KCTD1: variants seen among roughly 807,000 people sequenced by gnomAD.
KCTD1 encodes BTB/POZ domain-containing protein KCTD1.
In KCTD1, 24 loss-of-function variants were observed where a neutral mutation model predicts 66.0. That is an observed-to-expected ratio of 0.36 (90% CI 0.26 to 0.51). The LOEUF is 0.51. Among genes scored for constraint, KCTD1 ranks in the 20% least tolerant of loss-of-function variants. The pLI, the probability that KCTD1 is intolerant of heterozygous loss-of-function variation, is 0.95. For synonymous variants in KCTD1, 511 were observed against 517.2 expected (o/e 0.99, Z 0.16); for missense variants, 943 against 1,205.2 (o/e 0.78, Z 3.22).
intron 1 of KCTD1, among the ~76,000 whole-genome samples, chr18:26,542,337 A>C (rs991312736): frequency 6.6e-6 from 1 of 152,214 alleles, no homozygotes; most frequent in Non-Finnish European, 1.5e-5. Context: ...TAAAAAGGCA[A>C]CTTGACTATT....
At chr18:26,644,104 G>A (rs372049064), upstream of KCTD1, among the ~76,000 whole-genome samples, 6 of 152,208 alleles carry the variant, frequency 3.9e-5, no homozygotes, top group Admixed American at 2.6e-4. Flanking sequence ...TCTCATCCCC[G>A]TTTCCCCTAG....
intron 2 of KCTD1, among the ~76,000 whole-genome samples, chr18:26,500,760 G>T (rs946563666): frequency 6.6e-6 from 1 of 152,210 alleles, no homozygotes; most frequent in African/African-American, 2.4e-5. Flanking sequence ...GAACAAAGGT[G>T]TTGGGGAGAA....
chr18:26,595,557 C>A (rs1302396513), intron 1 of KCTD1, among the ~76,000 whole-genome samples: 1 of 152,160 alleles, frequency 6.6e-6, no homozygotes, highest in Non-Finnish European at 1.5e-5. Context: ...GGCTAGACTG[C>A]CACAAAGTGA....
At chr18:26,622,760 G>T (rs935954677) in intron 1 of KCTD1, among the ~76,000 whole-genome samples, 1 of 152,172 alleles carries the variant, frequency 6.6e-6, no homozygotes, top group Middle Eastern at 3.4e-3. Context: ...GGTGGAGAGG[G>T]TAGAGAGGGG....
At chr18:26,514,564 A>AG (rs1983548519) in intron 1 of KCTD1, among the ~76,000 whole-genome samples, 1 of 151,460 alleles carries the variant, frequency 6.6e-6, no homozygotes, top group Non-Finnish European at 1.5e-5. Flanking sequence ...AAAAAAAAAA[A>AG]AAAAAAAGAA....
At chr18:26,563,935 T>A (rs1458190765) in intron 1 of KCTD1, among the ~76,000 whole-genome samples, 1 of 152,158 alleles carries the variant, frequency 6.6e-6, no homozygotes, top group Non-Finnish European at 1.5e-5. Flanking sequence ...ATTTCTCCTT[T>A]GGTTCCCCAG....
intron 1 of KCTD1, among the ~76,000 whole-genome samples, chr18:26,605,801 T>C (rs2144981026): frequency 6.6e-6 from 1 of 151,478 alleles, no homozygotes; most frequent in South Asian, 2.1e-4. Flanking sequence ...GGTAGATCGA[T>C]TACAAAAATT....
intron 1 of KCTD1, among the ~76,000 whole-genome samples, chr18:26,627,445 A>G (rs1278336950): frequency 2.6e-5 from 4 of 152,228 alleles, no homozygotes; most frequent in Admixed American, 1.3e-4. Flanking sequence ...GGTCAAAAAT[A>G]TCAAGCATCA....
chr18:26,546,647 A>T, intron 1 of KCTD1, 81 bp downstream of exon 1: 1 of 1,435,808 alleles, frequency 7.0e-7, no homozygotes, highest in Non-Finnish European at 9.3e-7. Flanking sequence ...CTTCCCCCCT[A>T]CCCAGAGCTG....
chr18:26,469,183 T>C (rs523620), intron 3 of KCTD1, among the ~76,000 whole-genome samples: 7 of 141,714 alleles, frequency 4.9e-5, no homozygotes, highest in African/African-American at 8.2e-5. Flanking sequence ...TTTTTTTTTT[T>C]CCCTCAAGCG....
At chr18:26,515,692 T>G (rs1983621839) in intron 1 of KCTD1, among the ~76,000 whole-genome samples, 1 of 151,970 alleles carries the variant, frequency 6.6e-6, no homozygotes, top group Admixed American at 6.6e-5. Flanking sequence ...GTATTTTTAG[T>G]AGAGATGGGA....
intron 1 of KCTD1, among the ~76,000 whole-genome samples, chr18:26,634,952 C>T (rs920647826): frequency 6.6e-6 from 1 of 151,776 alleles, no homozygotes; most frequent in African/African-American, 2.4e-5. Flanking sequence ...AAGGGGGTGC[C>T]AAGAGACTCA....
intron 1 of KCTD1, among the ~76,000 whole-genome samples, chr18:26,507,690 C>T (rs917568579): frequency 6.6e-6 from 1 of 151,982 alleles, no homozygotes; most frequent in Non-Finnish European, 1.5e-5. Flanking sequence ...CCCTTCTTTA[C>T]TGACACTATA....
At chr18:26,618,230 A>T (rs1215837901) in intron 1 of KCTD1, among the ~76,000 whole-genome samples, 1 of 152,212 alleles carries the variant, frequency 6.6e-6, no homozygotes, top group Non-Finnish European at 1.5e-5. Flanking sequence ...ATGCAGACTC[A>T]GTGGGAATGC....
intron 1 of KCTD1, among the ~76,000 whole-genome samples, chr18:26,603,690 C>T (rs1986948959): frequency 6.6e-6 from 1 of 151,540 alleles, no homozygotes; most frequent in East Asian, 1.9e-4. Context: ...GTGCAGTGGG[C>T]CGAGATTGTG....
At chr18:26,623,153 C>G (rs1356572307) in intron 1 of KCTD1, among the ~76,000 whole-genome samples, 2 of 152,188 alleles carry the variant, frequency 1.3e-5, no homozygotes, top group African/African-American at 4.8e-5. Context: ...GACTATCCCT[C>G]CTACCCACTA....
In KCTD1 at chr18:26,462,097, C is replaced by T. The variant is rs183588466; in HGVS notation, c.2134-2172G>A. Among the ~76,000 whole-genome samples, 28 of 152,334 alleles carry T rather than the reference C, an allele frequency of 1.8e-4. No individual in the cohort carries two copies. The East Asian group carries it at 4.8e-3, about 26-fold the overall frequency. ...CCTGAGTTCTCACCATCTTTTCTTCCTTCTAGGTTCACAAGCCACTTGTTT... is the reference window on the plus strand; with the variant it reads ...CCTGAGTTCTCACCATCTTTTCTTCTTTCTAGGTTCACAAGCCACTTGTTT... On this transcript the variant is annotated intron_variant, in intron 3 of 4. Coordinates refer to ENST00000580059, the MANE Select transcript of KCTD1 (RefSeq NM_001142730.3).
chr18:26,570,825 A>G (rs1191431070), intron 1 of KCTD1, among the ~76,000 whole-genome samples: 2 of 152,232 alleles, frequency 1.3e-5, no homozygotes, highest in East Asian at 3.8e-4. Context: ...CATAAGTCAG[A>G]GATGTCTATA....
intron 1 of KCTD1, among the ~76,000 whole-genome samples, chr18:26,627,746 G>A (rs1375676232): frequency 6.6e-6 from 1 of 152,200 alleles, no homozygotes. Flanking sequence ...TGAATTCTAT[G>A]ATGTCATTAG....
Sources: allele counts gnomAD v4.1 joint callset (sites outside exome capture counted in the v4.1 genomes callset), GRCh38; gene constraint gnomAD v4.1.1; transcripts MANE v1.5; gene names NCBI Gene and HGNC (gene_info 2026-07-23, HGNC 2026-07-21).